The following INVS variants were observed in gnomAD, a reference collection of about 807,000 sequenced individuals.
INVS encodes inversin.
In INVS, 86 loss-of-function variants were observed where a neutral mutation model predicts 108.8. That is an observed-to-expected ratio of 0.79 (90% CI 0.66 to 0.95). The LOEUF is 0.95. Ranked by LOEUF, INVS falls within the 40% of genes least tolerant of loss-of-function variation. The probability of loss-of-function intolerance (pLI) is 0.00; values close to 1 mark genes in which losing one functional copy is unlikely to be tolerated. For missense variants in INVS, 1,169 were observed against 1,297.4 expected, an observed-to-expected ratio of 0.90 and a Z score of 1.52; for synonymous variants, 455 against 473.5, an observed-to-expected ratio of 0.96 and a Z score of 0.51.
rs536046638 is a variant in INVS at position 100,139,803 on chromosome 9, A to G, written c.273+13254A>G. Among the ~76,000 whole-genome samples, 4 of 152,174 alleles carry G rather than the reference A, an allele frequency of 2.6e-5. No homozygotes were observed. In the South Asian group the frequency reaches 8.3e-4, roughly 32 times the overall value. On this transcript the variant is annotated intron_variant, in intron 3 of 16. Transcript: ENST00000262457. The stretch of plus-strand genomic sequence containing the variant: ...ACTATAGGCACGTACCACTACGCCC[A>G]GCTAATTTTTGTATTTTTTATAGAG...
intron 12 of INVS, among the ~76,000 whole-genome samples, chr9:100,279,733 A>G (rs1416474194): frequency 6.6e-6 from 1 of 152,166 alleles, no homozygotes; most frequent in Admixed American, 6.5e-5. Flanking sequence ...TTTTAATCAC[A>G]TCTCTCAGAC....
intron 3 of INVS, among the ~76,000 whole-genome samples, chr9:100,204,071 A>G (rs1479855573): frequency 1.3e-5 from 2 of 152,196 alleles, no homozygotes; most frequent in Non-Finnish European, 2.9e-5. Context: ...ATACTAGTTT[A>G]TAACTTAAAT....
At chr9:100,283,332 A>G (rs951090821) in intron 12 of INVS, among the ~76,000 whole-genome samples, 1 of 152,046 alleles carries the variant, frequency 6.6e-6, no homozygotes, top group Admixed American at 6.6e-5. Context: ...ACAAAATATA[A>G]CATTTCTTCT....
At chr9:100,177,034 A>T (rs1829735185) in intron 3 of INVS, among the ~76,000 whole-genome samples, 1 of 151,520 alleles carries the variant, frequency 6.6e-6, no homozygotes, top group Non-Finnish European at 1.5e-5. Flanking sequence ...AGACATGATG[A>T]TGCCCTAACC....
At chr9:100,201,906 G>A (rs193235284) in intron 3 of INVS, among the ~76,000 whole-genome samples, 96 of 152,264 alleles carry the variant, frequency 6.3e-4, no homozygotes, top group Non-Finnish European at 1.5e-4. Context: ...GAGAATGGGC[G>A]CATATACTTA....
intron 3 of INVS, among the ~76,000 whole-genome samples, chr9:100,185,811 T>C (rs1830040940): frequency 6.6e-6 from 1 of 152,062 alleles, no homozygotes; most frequent in South Asian, 2.1e-4. Context: ...GTATTTGATG[T>C]TCCATTCCTG....
At chr9:100,139,769 G>C (rs1383856716) in intron 3 of INVS, among the ~76,000 whole-genome samples, 3 of 152,158 alleles carry the variant, frequency 2.0e-5, no homozygotes, top group Non-Finnish European at 4.4e-5. Flanking sequence ...CAGCCCCCAA[G>C]TAGCTGGGAC....
chr9:100,239,852 G>A (rs1044591302), intron 5 of INVS, among the ~76,000 whole-genome samples: 3 of 152,088 alleles, frequency 2.0e-5, no homozygotes, highest in African/African-American at 7.2e-5. Context: ...TGTGCCTGTA[G>A]TCCCAGCTAC....
chr9:100,154,478 C>T (rs1313801220), intron 3 of INVS, among the ~76,000 whole-genome samples: 4 of 151,152 alleles, frequency 2.6e-5, no homozygotes, highest in South Asian at 2.1e-4. Context: ...GCCCTGCCTG[C>T]AAATGTACTT....
intron 12 of INVS, among the ~76,000 whole-genome samples, chr9:100,281,072 G>T (rs1013180084): frequency 6.6e-6 from 1 of 152,162 alleles, no homozygotes; most frequent in Non-Finnish European, 1.5e-5. Context: ...GCTGCTAATG[G>T]TTAGTTTGAA....
At position 100,302,074 on chromosome 9, in the gene INVS, G is replaced by A. The variant is rs1833991583; in HGVS notation, c.*1400G>A. The A allele has an allele frequency of 6.7e-6, 4 of 596,060 alleles. No individual in the cohort carries two copies. In the East Asian group the frequency reaches 1.1e-4, roughly 17 times the overall value. The allele number at this position is 596,060 out of a possible 1,614,324, so 36.9% of individuals were successfully genotyped here. A position where few individuals can be genotyped will look rare whatever the true frequency, so the allele number is the denominator to read the frequency against. On this transcript the variant is annotated 3_prime_UTR_variant, in exon 17 of 17. Coordinates refer to ENST00000262457, the MANE Select transcript of INVS (RefSeq NM_014425.5). ...TCATATATCAGTGCAAAGAAAGAAGGTTCGTAAACTTCTTTAAAAGTTCAG... is the reference window on the plus strand; with the variant it reads ...TCATATATCAGTGCAAAGAAAGAAGATTCGTAAACTTCTTTAAAAGTTCAG...
chr9:100,237,462 G>A (rs532547503), intron 5 of INVS, among the ~76,000 whole-genome samples: 6 of 152,194 alleles, frequency 3.9e-5, no homozygotes, highest in South Asian at 4.1e-4. Flanking sequence ...CCAGTTTTGC[G>A]CTTGAAACCT....
chr9:100,160,771 C>G lies in INVS; in HGVS notation c.273+34222C>G, dbSNP rs1378578853. Among the ~76,000 whole-genome samples the G allele has an allele frequency of 7.9e-5, 12 of 152,076 alleles. No homozygotes were observed. The East Asian group carries it at 2.1e-3, about 27-fold the overall frequency. Reference sequence around the variant, plus strand: ...CCTAATCTTTGACTCCTTCTGTCTTCCTCAGTCCCAAGACACATCAAAGGC... The same window carrying G: ...CCTAATCTTTGACTCCTTCTGTCTTGCTCAGTCCCAAGACACATCAAAGGC... On this transcript the variant is annotated intron_variant, in intron 3 of 16. Transcript: ENST00000262457.
chr9:100,114,537 G>T (rs544029016), intron 2 of INVS, among the ~76,000 whole-genome samples: 62 of 151,632 alleles, frequency 4.1e-4, no homozygotes, highest in African/African-American at 1.4e-3. Context: ...GAGTAGCTGG[G>T]ACTACAGGCA....
chr9:100,134,032 A>G (rs556095200), intron 3 of INVS, among the ~76,000 whole-genome samples: 1 of 152,052 alleles, frequency 6.6e-6, no homozygotes, highest in South Asian at 2.1e-4. Flanking sequence ...AACCTGGTAC[A>G]CCCATCGCCC....
chr9:100,232,217 ATTTG>A (rs1423950532), intron 5 of INVS, among the ~76,000 whole-genome samples: 1 of 151,468 alleles, frequency 6.6e-6, no homozygotes, highest in Non-Finnish European at 1.5e-5. Context: ...TTTCTTTTAA[ATTTG>A]TTTAAGTTCC....
intron 5 of INVS, among the ~76,000 whole-genome samples, chr9:100,231,549 T>A (rs1831514303): frequency 1.1e-5 from 1 of 89,382 alleles, no homozygotes; most frequent in Non-Finnish European, 2.0e-5. Context: ...GATGTTCCCC[T>A]CCCTGTGTCC....
intron 10 of INVS, 138 bp from the exon 11 acceptor site, chr9:100,264,684 G>A (rs1306665981): frequency 1.0e-5 from 7 of 681,386 alleles, no homozygotes; most frequent in African/African-American, 1.8e-5. Context: ...TTTCTCCACT[G>A]TATATTTAAT....
chr9:100,202,997 G>A (rs143387893), intron 3 of INVS, among the ~76,000 whole-genome samples: 117 of 152,344 alleles, frequency 7.7e-4, no homozygotes, highest in African/African-American at 2.5e-3. Context: ...AGGCATGAAA[G>A]TAATGTGATG....
Sources: allele counts gnomAD v4.1 joint callset (sites outside exome capture counted in the v4.1 genomes callset), GRCh38; gene constraint gnomAD v4.1.1; transcripts MANE v1.5; gene names NCBI Gene and HGNC (gene_info 2026-07-23, HGNC 2026-07-21).